The following GXYLT2 variants were observed in gnomAD, a reference collection of about 807,000 sequenced individuals.
GXYLT2 encodes glycosyltransferase 8 domain containing 4.
Under a neutral mutation model 45.8 loss-of-function variants are expected in GXYLT2, and 53 were observed. That is an observed-to-expected ratio of 1.16 (90% CI 0.93 to 1.46). The LOEUF is 1.46. GXYLT2 is among the 40% of genes most tolerant of loss of function. The pLI, the probability that GXYLT2 is intolerant of heterozygous loss-of-function variation, is 0.00. For synonymous variants in GXYLT2, 219 were observed against 214.2 expected (o/e 1.02, Z -0.19); for missense variants, 551 against 544.4 (o/e 1.01, Z -0.12).
Position 72,913,281 on chromosome 3 carries a change from G to A in GXYLT2, c.468+4722G>A, listed in dbSNP as rs371828544. On this transcript the variant is annotated intron_variant, in intron 2 of 6. Transcript: ENST00000389617. ...TCTCGATCTCCTGACCTCGTGATCC[G>A]CCCGCCTCGGCCTCCCAAAGTGCTG... is the stretch of plus-strand genomic sequence containing the variant. Among the ~76,000 whole-genome samples the A allele has an allele frequency of 2.5e-4, 37 of 150,588 alleles. No individual in the cohort carries two copies. The East Asian group carries it at 3.8e-3, about 15-fold the overall frequency.
chr3:72,936,832 C>A (rs754222057), intron 3 of GXYLT2, among the ~76,000 whole-genome samples: 30 of 151,952 alleles, frequency 2.0e-4, no homozygotes, highest in Non-Finnish European at 3.4e-4. Flanking sequence ...TATTTTGATA[C>A]AATTGTATTG....
intron 1 of GXYLT2, among the ~76,000 whole-genome samples, chr3:72,893,920 G>A (rs1709232045): frequency 6.6e-6 from 1 of 151,612 alleles, no homozygotes; most frequent in Admixed American, 6.6e-5. Flanking sequence ...CATGATCCAT[G>A]CCTTTCATAG....
intron 3 of GXYLT2, among the ~76,000 whole-genome samples, chr3:72,951,190 G>C (rs553867562): frequency 2.1e-5 from 3 of 141,262 alleles, no homozygotes; most frequent in African/African-American, 8.3e-5. Context: ...ATCAAAAAGT[G>C]ATTTTTTTTT....
chr3:72,969,909 G>GA lies in GXYLT2; in HGVS notation c.1149+2202dup, dbSNP rs113943491. ...TTTTTGTGTATGAAAATGTGCATTT[G>GA]AAAAAAAAAAAACAAAAACATTTAA... On this transcript the variant is annotated intron_variant, in intron 6 of 6. Transcript: ENST00000389617. 9.4e-4 allele frequency among the ~76,000 whole-genome samples: 97 copies of GA among 103,418 alleles called. 1 individual carries two copies. Among genetic ancestry groups the GA allele is most frequent in the East Asian group, 4.0e-3 (9 of 2,268 alleles). The allele number at this position is 103,418 out of a possible 152,430, so 67.8% of individuals were successfully genotyped here.
At chr3:72,920,229 A>C (rs1298146517) in intron 2 of GXYLT2, among the ~76,000 whole-genome samples, 2 of 151,456 alleles carry the variant, frequency 1.3e-5, no homozygotes, top group African/African-American at 4.9e-5. Flanking sequence ...CCGCCTTCCG[A>C]GTTGATGTGA....
At chr3:72,919,063 G>T (rs1191837110) in intron 2 of GXYLT2, among the ~76,000 whole-genome samples, 2 of 152,186 alleles carry the variant, frequency 1.3e-5, no homozygotes, top group Admixed American at 6.5e-5. Flanking sequence ...CACTTTGGAA[G>T]ACGGTTTGGC....
chr3:72,910,632 A>G (rs1709598648), intron 2 of GXYLT2, among the ~76,000 whole-genome samples: 1 of 152,182 alleles, frequency 6.6e-6, no homozygotes, highest in South Asian at 2.1e-4. Context: ...TAGGTTTGGG[A>G]CGGAAGTAGA....
At chr3:72,928,685 CAT>C (rs770709556) in intron 3 of GXYLT2, among the ~76,000 whole-genome samples, 46 of 151,826 alleles carry the variant, frequency 3.0e-4, no homozygotes, top group Non-Finnish European at 4.3e-4. Context: ...CTCCTGGAGT[CAT>C]AACAGATATC....
chr3:72,959,194 T>C (rs191065481), intron 5 of GXYLT2, among the ~76,000 whole-genome samples: 13 of 142,462 alleles, frequency 9.1e-5, no homozygotes, highest in Non-Finnish European at 1.7e-4. Context: ...CTCGGCTCAC[T>C]GTAACTTCTG....
chr3:72,946,139 T>C (rs1198063493), intron 3 of GXYLT2, among the ~76,000 whole-genome samples: 1 of 151,732 alleles, frequency 6.6e-6, no homozygotes, highest in East Asian at 1.9e-4. Context: ...TAGCTAGGCC[T>C]GATGATATAT....
intron 3 of GXYLT2, among the ~76,000 whole-genome samples, chr3:72,950,221 G>A (rs534252170): frequency 6.6e-6 from 1 of 152,244 alleles, no homozygotes; most frequent in South Asian, 2.1e-4. Flanking sequence ...AGGACTTTGG[G>A]AGGCTGAGGC....
Position 72,908,615 on chromosome 3 carries a change from T to C in GXYLT2, c.468+56T>C, listed in dbSNP as rs1709554869. 3 of 1,340,658 alleles carry C rather than the reference T, an allele frequency of 2.2e-6. No individual in the cohort carries two copies. The South Asian group carries it at 4.0e-5, about 18-fold the overall frequency. The allele number at this position is 1,340,658 out of a possible 1,614,324, so 83.0% of individuals were successfully genotyped here. A position where few individuals can be genotyped will look rare whatever the true frequency, so the allele number is the denominator to read the frequency against. On this transcript the variant is annotated intron_variant, in intron 2 of 6. Transcript: ENST00000389617. ...TACTAAGTACAAACAGACTACATTTTAGGAACTGCATATTCTGTTAACTAA... is the reference window on the plus strand; with the variant it reads ...TACTAAGTACAAACAGACTACATTTCAGGAACTGCATATTCTGTTAACTAA...
intron 2 of GXYLT2, among the ~76,000 whole-genome samples, chr3:72,915,338 C>CTT (rs34611815): frequency 0.022 from 1,060 of 48,706 alleles, 150 homozygotes; most frequent in African/African-American, 0.087. Context: ...TACCCATTTC[C>CTT]TTTTTTTTTT....
intron 1 of GXYLT2, among the ~76,000 whole-genome samples, chr3:72,899,876 A>G (rs1252283493): frequency 6.6e-6 from 1 of 152,030 alleles, no homozygotes; most frequent in Non-Finnish European, 1.5e-5. Context: ...ATCTTCTACC[A>G]TTTTTCCCCC....
Position 72,959,243 on chromosome 3 carries a change from G to T in GXYLT2, c.976+1891G>T, listed in dbSNP as rs552613527. Among the ~76,000 whole-genome samples, 5 of 146,862 alleles carry T rather than the reference G, an allele frequency of 3.4e-5. No individual in the cohort carries two copies. In the South Asian group the frequency reaches 8.8e-4, roughly 26 times the overall value. On this transcript the variant is annotated intron_variant, in intron 5 of 6. Transcript: ENST00000389617. ...AGCAATTCTTCTGCCTCAGCCTCCCGAGTAGCTGGGATTACAGGCACCCAA... is the reference window on the plus strand; with the variant it reads ...AGCAATTCTTCTGCCTCAGCCTCCCTAGTAGCTGGGATTACAGGCACCCAA...
At chr3:72,953,836 GT>G (rs1710574319) in intron 3 of GXYLT2, among the ~76,000 whole-genome samples, 1 of 152,246 alleles carries the variant, frequency 6.6e-6, no homozygotes, top group South Asian at 2.1e-4. Context: ...ACTCACACCT[GT>G]GATCCCAGCA....
intron 1 of GXYLT2, among the ~76,000 whole-genome samples, chr3:72,898,481 A>T (rs1262947369): frequency 6.6e-6 from 1 of 152,228 alleles, no homozygotes; most frequent in South Asian, 2.1e-4. Flanking sequence ...GAACAATCAT[A>T]AGGGAAAAAA....
intron 1 of GXYLT2, among the ~76,000 whole-genome samples, chr3:72,893,077 A>G (rs1709213256): frequency 1.3e-5 from 2 of 151,974 alleles, no homozygotes; most frequent in South Asian, 4.2e-4. Context: ...CATTTTCCTT[A>G]CGGCCGCTTC....
chr3:72,915,429 G>T (rs769931639), intron 2 of GXYLT2, among the ~76,000 whole-genome samples: 1 of 143,770 alleles, frequency 7.0e-6, no homozygotes, highest in South Asian at 2.2e-4. Flanking sequence ...ATTTAAAGAC[G>T]TATACAATCG....
Sources: allele counts gnomAD v4.1 joint callset (sites outside exome capture counted in the v4.1 genomes callset), GRCh38; gene constraint gnomAD v4.1.1; transcripts MANE v1.5; gene names NCBI Gene and HGNC (gene_info 2026-07-23, HGNC 2026-07-21).